SFXN5: variants seen among roughly 807,000 people sequenced by gnomAD.
The protein encoded by SFXN5 is sideroflexin 5, also known as sideroflexin-5.
Under a neutral mutation model 50.2 loss-of-function variants are expected in SFXN5, and 43 were observed. The ratio of observed to expected loss-of-function variants is 0.86; its 90% CI spans 0.67 to 1.11. The LOEUF is 1.11. Ranked by LOEUF, SFXN5 falls within the 50% of genes least tolerant of loss-of-function variation. The pLI is 0.00. For synonymous variants in SFXN5, 203 were observed against 185.8 expected (o/e 1.09, Z -0.75); for missense variants, 463 against 454.1 (o/e 1.02, Z -0.18).
chr2:72,980,665 A>T (rs985643785), intron 10 of SFXN5, among the ~76,000 whole-genome samples: 1 of 152,192 alleles, frequency 6.6e-6, no homozygotes, highest in African/African-American at 2.4e-5. Context: ...TCTTAATGTG[A>T]TTCCTGCTAA....
intron 2 of SFXN5, among the ~76,000 whole-genome samples, chr2:73,055,604 T>C (rs1293710396): frequency 6.7e-6 from 1 of 148,652 alleles, no homozygotes; most frequent in African/African-American, 2.5e-5. Context: ...TTTTCTTTTT[T>C]TTTTTTTTTT....
chr2:73,007,823 G>A (rs527999793), intron 6 of SFXN5, among the ~76,000 whole-genome samples: 1 of 152,272 alleles, frequency 6.6e-6, no homozygotes, highest in East Asian at 1.9e-4. Flanking sequence ...CTAATGATCT[G>A]AAAGTTACAC....
chr2:73,057,821 G>A (rs555702469), intron 2 of SFXN5, among the ~76,000 whole-genome samples: 1 of 152,276 alleles, frequency 6.6e-6, no homozygotes, highest in South Asian at 2.1e-4. Flanking sequence ...GTGCTCAGAA[G>A]CTCCTCCTCC....
At chr2:73,022,316 A>C (rs992548237) in intron 5 of SFXN5, among the ~76,000 whole-genome samples, 7 of 152,190 alleles carry the variant, frequency 4.6e-5, no homozygotes, top group Admixed American at 4.6e-4. Context: ...GCTCAGGCAG[A>C]AAAGGCAGGT....
intron 6 of SFXN5, among the ~76,000 whole-genome samples, chr2:73,006,399 A>C (rs1574095492): frequency 6.6e-6 from 1 of 152,222 alleles, no homozygotes; most frequent in African/African-American, 2.4e-5. Flanking sequence ...AGGCAGGCGG[A>C]TCACCTGAGG....
At chr2:73,052,211 C>CT (rs1681417225) in intron 2 of SFXN5, among the ~76,000 whole-genome samples, 1 of 152,112 alleles carries the variant, frequency 6.6e-6, no homozygotes. Context: ...GCCCTCGTTC[C>CT]TTTTTGTGGG....
rs1172940132 is a variant in SFXN5, at chr2:72,960,800, C to G, written c.945+331G>C. On this transcript the variant is annotated intron_variant, in intron 13 of 13. Coordinates refer to ENST00000272433, the MANE Select transcript of SFXN5 (RefSeq NM_144579.3). This position sits in a 1 kb window ranked among gnomAD's most constrained non-coding sequence, Gnocchi z 6.1. ...GGACCTCACATCTCCCCCCGCCACC[C>G]CTTTTCATCTGGCCAACTCCAGCCA... is the stretch of plus-strand genomic sequence containing the variant. Among the ~76,000 whole-genome samples the G allele has an allele frequency of 6.6e-6, 1 of 152,192 alleles. No individual in the cohort carries two copies. Among genetic ancestry groups the G allele is most frequent in the African/African-American group, 2.4e-5 (1 of 41,430 alleles).
intron 6 of SFXN5, among the ~76,000 whole-genome samples, chr2:73,003,704 T>A (rs577341553): frequency 6.6e-6 from 1 of 152,330 alleles, no homozygotes; most frequent in Non-Finnish European, 1.5e-5. Context: ...TTTGTCTCAT[T>A]TTCATCTTCA....
intron 10 of SFXN5, among the ~76,000 whole-genome samples, chr2:72,985,909 GT>G (rs1241121511): frequency 6.6e-6 from 1 of 152,226 alleles, no homozygotes. Flanking sequence ...CCACCTCAAG[GT>G]GACACAGCAA....
intron 12 of SFXN5, among the ~76,000 whole-genome samples, chr2:72,964,600 C>T (rs1449373819): frequency 6.6e-6 from 1 of 152,220 alleles, no homozygotes; most frequent in Admixed American, 6.5e-5. Flanking sequence ...CACTGCCCTG[C>T]CTCCCTACCA....
chr2:72,966,548 T>C (rs750753856), intron 12 of SFXN5, among the ~76,000 whole-genome samples: 7 of 152,198 alleles, frequency 4.6e-5, no homozygotes, highest in Admixed American at 2.0e-4. Context: ...CACCATGCCA[T>C]GCCCATGCTC....
chr2:73,007,339 C>T (rs182079352), intron 6 of SFXN5, among the ~76,000 whole-genome samples: 51 of 152,134 alleles, frequency 3.4e-4, no homozygotes, highest in Non-Finnish European at 5.7e-4. Context: ...AAGACTAGGG[C>T]GAACTGTCTT....
At chr2:73,026,699 A>ACTT (rs774140179) in intron 3 of SFXN5, among the ~76,000 whole-genome samples, 1 of 151,974 alleles carries the variant, frequency 6.6e-6, no homozygotes, top group Non-Finnish European at 1.5e-5. Context: ...AGTATGCCAT[A>ACTT]CTTCTTATTA....
At chr2:73,040,777 C>T (rs1050009331) in intron 3 of SFXN5, 77 bp downstream of exon 3, 2 of 1,215,230 alleles carry the variant, frequency 1.6e-6, no homozygotes, top group Non-Finnish European at 2.4e-6. Context: ...GTGGTTCTGG[C>T]TGCAGCGAAG....
intron 8 of SFXN5, 33 bp from the exon 9 acceptor site, chr2:72,999,047 G>T (rs760286247): frequency 6.2e-7 from 1 of 1,611,056 alleles, no homozygotes; most frequent in Non-Finnish European, 8.5e-7. Context: ...CAGGCCTGCT[G>T]GGTGCCCAAA....
intron 3 of SFXN5, among the ~76,000 whole-genome samples, chr2:73,023,912 A>C (rs1430348397): frequency 6.6e-6 from 1 of 152,206 alleles, no homozygotes; most frequent in Non-Finnish European, 1.5e-5. Context: ...GAAACGGAGT[A>C]ACTTGTCAAT....
chr2:72,957,180 C>G, intron 13 of SFXN5: 1 of 433,468 alleles, frequency 2.3e-6, no homozygotes, highest in South Asian at 1.6e-5. Context: ...CAGCCAAACT[C>G]TCTCCCCAGA....
At chr2:72,998,749 T>C in intron 9 of SFXN5, 200 bp downstream of exon 9, 8 of 599,092 alleles carry the variant, frequency 1.3e-5, no homozygotes, top group Non-Finnish European at 2.4e-5. Context: ...CTGCTCTCCA[T>C]TACAGGGAGC....
At chr2:72,988,379 A>T in intron 9 of SFXN5, 31 bp from the exon 10 acceptor site, 1 of 1,595,884 alleles carries the variant, frequency 6.3e-7, no homozygotes, top group Non-Finnish European at 8.6e-7. Context: ...AACACAGAAA[A>T]AGTACATGAT....
Sources: gnomAD v4.1 joint callset for allele counts (sites outside exome capture counted in the v4.1 genomes callset) on GRCh38, gnomAD v4.1.1 for gene constraint, Gnocchi (gnomAD v3.1) non-coding constraint, MANE v1.5 for transcripts, NCBI Gene and HGNC (gene_info 2026-07-23, HGNC 2026-07-21) for gene names.